Variants in ADAM9 observed in about 807,000 individuals in gnomAD.
ADAM9 encodes the protein ADAM metallopeptidase domain 9, also known as disintegrin and metalloproteinase domain-containing protein 9.
A neutral mutation model predicts 108.1 loss-of-function variants in ADAM9; 54 were observed. That is an observed-to-expected ratio of 0.50 (90% CI 0.40 to 0.63). The LOEUF is 0.63. Among genes scored for constraint, ADAM9 ranks in the 20% least tolerant of loss-of-function variants. ADAM9 has a pLI of 0.00. For missense variants in ADAM9, 830 were observed against 997.7 expected, an observed-to-expected ratio of 0.83 and a Z score of 2.26; for synonymous variants, 316 against 336.0, an observed-to-expected ratio of 0.94 and a Z score of 0.65.
At chr8:39,039,032 G>GGAGTCAGTACTATCAACTT (rs1837372164) in intron 11 of ADAM9, among the ~76,000 whole-genome samples, 1 of 152,082 alleles carries the variant, frequency 6.6e-6, no homozygotes, top group Non-Finnish European at 1.5e-5. Context: ...CCAAGAGGCA[G>GGAGTCAGTACTATCAACTT]GAGTCAGTAC....
chr8:39,000,917 AC>A (rs372358020), intron 1 of ADAM9, among the ~76,000 whole-genome samples: 25 of 152,038 alleles, frequency 1.6e-4, no homozygotes, highest in African/African-American at 6.0e-4. Flanking sequence ...AAATGATATC[AC>A]CCCCAGACAT....
chr8:39,019,725 A>G (rs1241743703), intron 7 of ADAM9, among the ~76,000 whole-genome samples: 3 of 152,214 alleles, frequency 2.0e-5, no homozygotes, highest in East Asian at 1.9e-4. Context: ...CTTTCTTGTA[A>G]GCTGTAGAGA....
At chr8:39,045,096 G>GTGTGTGTGCATACATA (rs1837615178) in intron 12 of ADAM9, among the ~76,000 whole-genome samples, 1 of 15,476 alleles carries the variant, frequency 6.5e-5, no homozygotes, top group Non-Finnish European at 1.2e-4. Context: ...ACATACATAT[G>GTGTGTGTGCATACATA]TGTGTGTGCA....
At chr8:39,036,101 C>T (rs1837266166) in intron 11 of ADAM9, among the ~76,000 whole-genome samples, 1 of 151,872 alleles carries the variant, frequency 6.6e-6, no homozygotes, top group African/African-American at 2.4e-5. Flanking sequence ...CATTGGGAGC[C>T]AGTTCCATTT....
At chr8:39,008,195 G>A (rs1010255411) in intron 2 of ADAM9, among the ~76,000 whole-genome samples, 1 of 150,762 alleles carries the variant, frequency 6.6e-6, no homozygotes, top group Admixed American at 6.6e-5. Flanking sequence ...TTAAAATGGA[G>A]TCTTGCTCTG....
intron 11 of ADAM9, among the ~76,000 whole-genome samples, chr8:39,035,815 TCAAAA>T (rs1044278358): frequency 1.2e-3 from 180 of 152,172 alleles, no homozygotes; most frequent in East Asian, 4.2e-3. Context: ...AGACTCTGTC[TCAAAA>T]CAAAACAAAA....
chr8:39,098,933 G>A (rs1385915589), intron 20 of ADAM9, among the ~76,000 whole-genome samples: 1 of 151,940 alleles, frequency 6.6e-6, no homozygotes, highest in African/African-American at 2.4e-5. Context: ...AATCTTTGAT[G>A]TCTTTAAACT....
intron 1 of ADAM9, among the ~76,000 whole-genome samples, chr8:39,000,030 T>C (rs1264943155): frequency 6.6e-6 from 1 of 152,064 alleles, no homozygotes; most frequent in Non-Finnish European, 1.5e-5. Flanking sequence ...TCCCTCACAG[T>C]CTTTTTTTTT....
chr8:39,021,529 C>T, intron 7 of ADAM9, 114 bp from the exon 8 acceptor site: 1 of 892,688 alleles, frequency 1.1e-6, no homozygotes, highest in East Asian at 2.5e-5. Flanking sequence ...GGTGATCTAC[C>T]CGCCTGGGCC....
intron 14 of ADAM9, among the ~76,000 whole-genome samples, chr8:39,058,710 A>G (rs867227275): frequency 6.6e-6 from 1 of 152,176 alleles, no homozygotes; most frequent in Non-Finnish European, 1.5e-5. Context: ...GTTCAGTAGA[A>G]TCATTATTGT....
At chr8:39,025,296 G>T (rs1235316171) in intron 9 of ADAM9, among the ~76,000 whole-genome samples, 1 of 151,870 alleles carries the variant, frequency 6.6e-6, no homozygotes, top group Non-Finnish European at 1.5e-5. Context: ...GGGGTTTCAT[G>T]ATGTTGGCCA....
intron 20 of ADAM9, among the ~76,000 whole-genome samples, chr8:39,098,906 T>C (rs1202835872): frequency 2.0e-5 from 3 of 152,194 alleles, no homozygotes; most frequent in Admixed American, 1.3e-4. Context: ...CTTTGCCAGA[T>C]GCTTGGGGGC....
At chr8:39,059,308 G>GA (rs1462082204) in intron 14 of ADAM9, among the ~76,000 whole-genome samples, 1 of 152,184 alleles carries the variant, frequency 6.6e-6, no homozygotes, top group African/African-American at 2.4e-5. Flanking sequence ...CATGGAAAGG[G>GA]AAAAATGTAA....
intron 11 of ADAM9, among the ~76,000 whole-genome samples, chr8:39,039,212 G>C (rs575524916): frequency 1.3e-5 from 2 of 152,164 alleles, no homozygotes; most frequent in South Asian, 4.1e-4. Flanking sequence ...GCTACTTCTG[G>C]TACCATTGCT....
chr8:39,078,927 A>G (rs1838934620), intron 16 of ADAM9, among the ~76,000 whole-genome samples: 1 of 152,208 alleles, frequency 6.6e-6, no homozygotes, highest in Non-Finnish European at 1.5e-5. Flanking sequence ...CCTTTTCAAA[A>G]TAAGTGCTTA....
At chr8:39,017,935 G>C (rs1221027211) in intron 6 of ADAM9, among the ~76,000 whole-genome samples, 1 of 152,158 alleles carries the variant, frequency 6.6e-6, no homozygotes, top group Non-Finnish European at 1.5e-5. Context: ...AACTCAAATG[G>C]TGATTCTTGA....
intron 20 of ADAM9, among the ~76,000 whole-genome samples, chr8:39,097,255 C>G (rs569950307): frequency 7.3e-5 from 11 of 150,886 alleles, no homozygotes; most frequent in African/African-American, 2.7e-4. Context: ...TGGAGGTTTG[C>G]TAGTTTCTAC....
At position 39,075,176 on chromosome 8, in the gene ADAM9, G is replaced by A. The variant is rs141104804; in HGVS notation, c.1698-2052G>A. Among the ~76,000 whole-genome samples the A allele has an allele frequency of 7.5e-4, 114 of 152,108 alleles. No individual in the cohort carries two copies. The East Asian group carries it at 0.02, about 26-fold the overall frequency. On this transcript the variant is annotated intron_variant, in intron 15 of 21. Coordinates refer to ENST00000487273, the MANE Select transcript of ADAM9 (RefSeq NM_003816.3). ...CTTACCTTAGCCTCCCAAAGTGCTGGGATTACAGGCGTGAGCCACCGCGCC... is the reference window on the plus strand; with the variant it reads ...CTTACCTTAGCCTCCCAAAGTGCTGAGATTACAGGCGTGAGCCACCGCGCC...
intron 20 of ADAM9, among the ~76,000 whole-genome samples, chr8:39,097,329 C>T (rs1449898079): frequency 4.0e-5 from 6 of 148,428 alleles, no homozygotes; most frequent in Non-Finnish European, 8.9e-5. Flanking sequence ...TTTTTTGAGA[C>T]AGAGTCTTTC....
Sources: gnomAD v4.1 joint callset for allele counts (sites outside exome capture counted in the v4.1 genomes callset) on GRCh38, gnomAD v4.1.1 for gene constraint, MANE v1.5 for transcripts, NCBI Gene and HGNC (gene_info 2026-07-23, HGNC 2026-07-21) for gene names.